Variants in CHMP1A observed in about 807,000 individuals in gnomAD.
CHMP1A encodes charged multivesicular body protein 1A, also known as VPS46 homolog A.
CHMP1A carries 17 observed loss-of-function variants against 27.0 expected under a neutral mutation model. That is an observed-to-expected ratio of 0.63 (90% confidence interval 0.43 to 0.95). The LOEUF is 0.95. Among genes scored for constraint, CHMP1A ranks in the 40% least tolerant of loss-of-function variants. The pLI is 0.00. For missense variants in CHMP1A, 275 were observed against 264.0 expected (o/e 1.04, Z -0.29); for synonymous variants, 131 against 107.5 (o/e 1.22, Z -1.35).
In CHMP1A at chr16:89,649,339, C is replaced by T. The variant is rs773082150; in HGVS notation, c.252+12G>A. ...GAACGCCACCCATCCAGCACCAGGG[C>T]CCAGCACTCACCCCCTTCATAGTCA... On this transcript the variant is annotated intron_variant, in intron 4 of 6. Coordinates refer to ENST00000397901, the MANE Select transcript of CHMP1A (RefSeq NM_002768.5). 1 of 1,609,692 alleles carries T rather than the reference C, an allele frequency of 6.2e-7. No individual in the cohort carries two copies. The highest frequency in any genetic ancestry group is 8.5e-7 in the Non-Finnish European group (1 of 1,176,610).
intron 1 of CHMP1A, among the ~76,000 whole-genome samples, chr16:89,656,906 TC>T (rs1336704068): frequency 1.3e-5 from 2 of 151,668 alleles, no homozygotes; most frequent in African/African-American, 2.4e-5. Flanking sequence ...GGGTCGGTGG[TC>T]GGGGGTCCAG....
intron 5 of CHMP1A, 191 bp from the exon 6 acceptor site, chr16:89,646,905 C>CCCCCT: frequency 3.7e-6 from 3 of 811,462 alleles, no homozygotes; most frequent in South Asian, 1.7e-5. Flanking sequence ...CAGCCCCACC[C>CCCCCT]TCTGACTGTG....
rs189150095 is a variant in CHMP1A, at chr16:89,656,200, G to A, written c.7+1382C>T. Among the ~76,000 whole-genome samples, 453 of 152,136 alleles carry A rather than the reference G, an allele frequency of 3.0e-3. 8 individuals carry two copies. Among genetic ancestry groups the A allele is most frequent in the Admixed American group, 0.019 (285 of 15,294 alleles). On this transcript the variant is annotated intron_variant, in intron 1 of 6. Coordinates refer to ENST00000397901, the MANE Select transcript of CHMP1A (RefSeq NM_002768.5). ...CGCCCAGGCTGGAGTGAAGTGGCGC[G>A]ATCTCGGCTCACTGCAAGCTCCGCC...
chr16:89,649,197 C>A, intron 4 of CHMP1A, 154 bp downstream of exon 4: 1 of 422,172 alleles, frequency 2.4e-6, no homozygotes. Context: ...CCCTCAACCT[C>A]CCCACCCCAC....
chr16:89,651,694 C>G, intron 2 of CHMP1A, 48 bp from the exon 3 acceptor site: 6 of 1,592,018 alleles, frequency 3.8e-6, no homozygotes, highest in Non-Finnish European at 5.1e-6. Flanking sequence ...GAGCCCATCC[C>G]CCAGGCCCGG....
At position 89,648,754 on chromosome 16, in the gene CHMP1A, G is replaced by A. The variant is rs1012923328; in HGVS notation, c.252+597C>T. ...AAAATGAAAAAAATCAGCTGGGCAT[G>A]GTGGTGGATGCCTGTGGTCTCAGCT... is the stretch of plus-strand genomic sequence containing the variant. On this transcript the variant is annotated intron_variant, in intron 4 of 6. Coordinates refer to ENST00000397901, the MANE Select transcript of CHMP1A (RefSeq NM_002768.5). Among the ~76,000 whole-genome samples the A allele has an allele frequency of 4.0e-5, 4 of 101,118 alleles. No homozygotes were observed. The Admixed American group carries it at 4.4e-4, about 11-fold the overall frequency. 66.3% of individuals were successfully genotyped at this position (101,118 alleles called of 152,430 possible).
intron 1 of CHMP1A, among the ~76,000 whole-genome samples, chr16:89,656,554 G>T (rs543020501): frequency 6.6e-6 from 1 of 152,178 alleles, no homozygotes; most frequent in African/African-American, 2.4e-5. Flanking sequence ...GCACACAGCC[G>T]GCTAGCCCCA....
intron 3 of CHMP1A, among the ~76,000 whole-genome samples, chr16:89,651,044 G>C (rs568898544): frequency 1.2e-4 from 18 of 152,222 alleles, no homozygotes; most frequent in Non-Finnish European, 2.2e-4. Flanking sequence ...GTGCCTGTTT[G>C]TCTTATGTGG....
chr16:89,646,417 C>T (rs760657478), intron 6 of CHMP1A, 110 bp downstream of exon 6: 21 of 1,220,274 alleles, frequency 1.7e-5, no homozygotes, highest in East Asian at 2.6e-5. Context: ...GCTCCCTGGT[C>T]GGAGCCTCAG....
chr16:89,651,470 C>A (rs2059823342), intron 3 of CHMP1A, 99 bp downstream of exon 3: 2 of 1,029,896 alleles, frequency 1.9e-6, no homozygotes, highest in South Asian at 1.4e-5. Flanking sequence ...CTGCCCCTCC[C>A]CAAAAGGCAT....
intron 1 of CHMP1A, among the ~76,000 whole-genome samples, chr16:89,654,375 G>C (rs1396937242): frequency 6.6e-6 from 1 of 151,988 alleles, no homozygotes; most frequent in Admixed American, 6.6e-5. Context: ...GAGGCCAGTG[G>C]ATCACTTAAA....
chr16:89,646,967 T>G, intron 5 of CHMP1A: 1 of 1,389,874 alleles, frequency 7.2e-7, no homozygotes, highest in Non-Finnish European at 9.6e-7. Context: ...CATGCTTGTC[T>G]GCCATCCGAG....
chr16:89,649,150 CAG>C, intron 4 of CHMP1A, 199 bp downstream of exon 4: 13 of 363,942 alleles, frequency 3.6e-5, no homozygotes, highest in South Asian at 1.4e-4. Flanking sequence ...CACGCTGATC[CAG>C]CTTAACTCAA....
chr16:89,649,669 A>G (rs1179690184), intron 3 of CHMP1A, 172 bp from the exon 4 acceptor site: 9 of 705,958 alleles, frequency 1.3e-5, no homozygotes, highest in East Asian at 1.2e-4. Context: ...TCCGCCCCCC[A>G]GGTTCATGCC....
Position 89,649,331 on chromosome 16 carries a change from C to T in CHMP1A, c.252+20G>A, listed in dbSNP as rs1597787655. 1.2e-6 allele frequency: 2 copies of T among 1,605,434 alleles called. No homozygotes were observed. The highest frequency in any genetic ancestry group is 2.2e-5 in the East Asian group (1 of 44,618). On this transcript the variant is annotated intron_variant, in intron 4 of 6. Transcript: ENST00000397901. Reference sequence around the variant, plus strand: ...CAGCCAGCGAACGCCACCCATCCAGCACCAGGGCCCAGCACTCACCCCCTT... The same window carrying T: ...CAGCCAGCGAACGCCACCCATCCAGTACCAGGGCCCAGCACTCACCCCCTT...
Position 89,657,686 on chromosome 16 carries a change from C to A in CHMP1A, c.-98G>T. On this transcript the variant is annotated 5_prime_UTR_variant, in exon 1 of 7. Coordinates refer to ENST00000397901, the MANE Select transcript of CHMP1A (RefSeq NM_002768.5). ...GCGATCGAACCGACCAAGCTGCACC[C>A]GGCGGGGACTTCCGGGGTCGCCGCC... is the stretch of plus-strand genomic sequence containing the variant. 1 of 1,578,948 alleles carries A rather than the reference C, an allele frequency of 6.3e-7. No homozygotes were observed. The highest frequency in any genetic ancestry group is 8.6e-7 in the Non-Finnish European group (1 of 1,164,380).
rs765663867 is a variant in CHMP1A at position 89,646,552 on chromosome 16, T to C, written c.544A>G (p.Ser182Gly). ...CTCCGTGACAGCTGGTCCTCCTGGC[T>C]GCGCACAGAGCTCTCGCCCACGGCA... is the stretch of plus-strand genomic sequence containing the variant. ...ASAVGESSVR[S>G]QEDQLSRRLA... The change falls in exon 6 of 7, where the codon AGC becomes GGC. Residue 182 changes from serine to glycine, a missense_variant. Ser to Gly is a moderately conservative substitution (Grantham distance 56). Transcript: ENST00000397901. The C allele has an allele frequency of 6.3e-7, 1 of 1,590,246 alleles. No individual in the cohort carries two copies. Among genetic ancestry groups the C allele is most frequent in the Non-Finnish European group, 8.5e-7 (1 of 1,169,668 alleles).
intron 2 of CHMP1A, 134 bp from the exon 3 acceptor site, chr16:89,651,780 C>G: frequency 1.3e-6 from 1 of 793,966 alleles, no homozygotes; most frequent in South Asian, 1.9e-5. Flanking sequence ...AGCCTGGGCC[C>G]AGCACACCGC....
chr16:89,649,215 C>G, intron 4 of CHMP1A, 136 bp downstream of exon 4: 1 of 945,152 alleles, frequency 1.1e-6, no homozygotes, highest in Non-Finnish European at 1.5e-6. Flanking sequence ...CACGCTGATC[C>G]AGCTTCCCTC....
Sources: gnomAD v4.1 joint callset for allele counts (sites outside exome capture counted in the v4.1 genomes callset) on GRCh38, gnomAD v4.1.1 for gene constraint, MANE v1.5 for transcripts, NCBI Gene and HGNC (gene_info 2026-07-23, HGNC 2026-07-21) for gene names.